PTPN1: variants seen among roughly 807,000 people sequenced by gnomAD.
PTPN1 encodes protein tyrosine phosphatase non-receptor type 1, also known as tyrosine-protein phosphatase non-receptor type 1.
In PTPN1, 12 loss-of-function variants were observed where a neutral mutation model predicts 59.9. The observed-to-expected ratio is 0.20, with a 90% CI of 0.13 to 0.32. PTPN1 has a LOEUF of 0.32. Among genes scored for constraint, PTPN1 ranks in the 10% least tolerant of loss-of-function variants. PTPN1 has a pLI of 1.00. For missense variants in PTPN1, 356 were observed against 549.2 expected, an observed-to-expected ratio of 0.65 and a Z score of 3.52; for synonymous variants, 178 against 203.6, an observed-to-expected ratio of 0.87 and a Z score of 1.07.
At chr20:50,518,717 T>TA (rs2082539171) in intron 1 of PTPN1, among the ~76,000 whole-genome samples, 1 of 152,292 alleles carries the variant, frequency 6.6e-6, no homozygotes, top group East Asian at 1.9e-4. Flanking sequence ...GCATTACTCT[T>TA]ATTGTTCTCT....
Position 50,578,614 on chromosome 20 carries a change from T to C in PTPN1, c.687T>C (p.Asp229=). 6.2e-7 allele frequency: 1 copy of C among 1,613,682 alleles called. No individual in the cohort carries two copies. Among genetic ancestry groups the C allele is most frequent in the Non-Finnish European group, 8.5e-7 (1 of 1,179,608 alleles). Residue 229 remains aspartate (D), a synonymous_variant, in exon 6 of 10, where the codon GAT becomes GAC. Coordinates refer to ENST00000371621, the MANE Select transcript of PTPN1 (RefSeq NM_002827.4). ...GGTCTGGAACCTTCTGTCTGGCTGA[T>C]ACCTGCCTCTTGCTGGTAAGGAGGC... is the stretch of plus-strand genomic sequence containing the variant. ...IGRSGTFCLA[D]TCLLLMDKRK... is the part of the protein sequence containing the mutation.
intron 1 of PTPN1, among the ~76,000 whole-genome samples, chr20:50,535,965 C>A (rs747067486): frequency 4.6e-5 from 7 of 152,112 alleles, no homozygotes; most frequent in Non-Finnish European, 7.3e-5. Flanking sequence ...AGGGAGGTAT[C>A]AGTTGAAAAG....
chr20:50,560,478 G>A (rs551805937), intron 1 of PTPN1, among the ~76,000 whole-genome samples: 12 of 152,170 alleles, frequency 7.9e-5, no homozygotes, highest in Non-Finnish European at 1.3e-4. Context: ...AATCTCGGGC[G>A]GTCTGGCTTT....
At chr20:50,544,759 C>T (rs1464164382) in intron 1 of PTPN1, among the ~76,000 whole-genome samples, 1 of 152,142 alleles carries the variant, frequency 6.6e-6, no homozygotes, top group African/African-American at 2.4e-5. Flanking sequence ...CTCTTTCACA[C>T]TTTGGGAGGC....
chr20:50,565,566 C>A (rs1163744205), intron 3 of PTPN1, among the ~76,000 whole-genome samples: 2 of 152,184 alleles, frequency 1.3e-5, no homozygotes, highest in African/African-American at 4.8e-5. Context: ...CTTAAAATTT[C>A]TGTTGGCTTT....
intron 5 of PTPN1, 97 bp downstream of exon 5, chr20:50,574,751 G>A (rs1170338041): frequency 1.4e-6 from 2 of 1,445,654 alleles, no homozygotes; most frequent in South Asian, 1.3e-5. Context: ...CAGTGTTCCT[G>A]GCTTTTGTAT....
chr20:50,579,612 C>A, intron 7 of PTPN1, 91 bp from the exon 8 acceptor site: 1 of 1,196,480 alleles, frequency 8.4e-7, no homozygotes, highest in South Asian at 1.3e-5. Context: ...GAGCCCCTCG[C>A]CAAGCCGTCA....
chr20:50,581,715 G>A (rs1481575640), intron 9 of PTPN1, among the ~76,000 whole-genome samples: 1 of 152,012 alleles, frequency 6.6e-6, no homozygotes, highest in Non-Finnish European at 1.5e-5. Flanking sequence ...TCAGGAGTAA[G>A]TAGAGAAAAT....
intron 1 of PTPN1, among the ~76,000 whole-genome samples, chr20:50,555,234 GA>G (rs1375913581): frequency 2.0e-5 from 3 of 152,094 alleles, no homozygotes; most frequent in African/African-American, 7.2e-5. Context: ...AAAAAGAAAA[GA>G]CATACAAATT....
chr20:50,519,069 T>C (rs1287159599), intron 1 of PTPN1, among the ~76,000 whole-genome samples: 1 of 152,232 alleles, frequency 6.6e-6, no homozygotes, highest in Non-Finnish European at 1.5e-5. Flanking sequence ...AGTGCCATTA[T>C]CAGTATTTTG....
chr20:50,550,681 A>G (rs2082698382), intron 1 of PTPN1, among the ~76,000 whole-genome samples: 6 of 152,228 alleles, frequency 3.9e-5, no homozygotes, highest in Admixed American at 3.9e-4. Context: ...GTATCCATTG[A>G]TTCAGTTAAC....
At chr20:50,520,371 CAA>C (rs11474492) in intron 1 of PTPN1, among the ~76,000 whole-genome samples, 10 of 131,428 alleles carry the variant, frequency 7.6e-5, no homozygotes, top group East Asian at 2.4e-4. Flanking sequence ...AACTCTGTCT[CAA>C]AAAAAAAAAA....
intron 1 of PTPN1, among the ~76,000 whole-genome samples, chr20:50,552,206 G>T (rs1489889682): frequency 6.6e-6 from 1 of 151,954 alleles, no homozygotes; most frequent in East Asian, 1.9e-4. Context: ...AATTGCGTAG[G>T]TCCTATCACC....
chr20:50,557,625 C>T (rs1400889018), intron 1 of PTPN1: 1 of 152,162 alleles, frequency 6.6e-6, no homozygotes, highest in Non-Finnish European at 1.5e-5. Flanking sequence ...CTTTTTTAAA[C>T]ATTATTTCTG....
intron 1 of PTPN1, among the ~76,000 whole-genome samples, chr20:50,558,206 G>A (rs2122773021): frequency 6.6e-6 from 1 of 152,016 alleles, no homozygotes; most frequent in East Asian, 1.9e-4. Flanking sequence ...TCTTCTTATA[G>A]CCTTACAGAA....
chr20:50,580,198 A>G (rs2082859774), intron 8 of PTPN1, among the ~76,000 whole-genome samples: 1 of 152,058 alleles, frequency 6.6e-6, no homozygotes, highest in African/African-American at 2.4e-5. Context: ...GCTCGGAGCC[A>G]CCGAGTAGGG....
At chr20:50,518,469 G>A (rs75511028) in intron 1 of PTPN1, among the ~76,000 whole-genome samples, 6,882 of 152,154 alleles carry the variant, frequency 0.045, 307 homozygotes, top group African/African-American at 0.12. Context: ...AAATAGTCAG[G>A]GCTTAGTTTG....
intron 1 of PTPN1, among the ~76,000 whole-genome samples, chr20:50,522,699 G>T (rs1446657939): frequency 6.6e-6 from 1 of 152,158 alleles, no homozygotes; most frequent in Non-Finnish European, 1.5e-5. Flanking sequence ...TTATAACCCA[G>T]TCAAGGTCTT....
Position 50,583,006 on chromosome 20 carries a change from G to C in PTPN1, c.*291G>C, listed in dbSNP as rs1047894245. 4 of 460,530 alleles carry C rather than the reference G, an allele frequency of 8.7e-6. No homozygotes were observed. In the Admixed American group the frequency reaches 1.4e-4, roughly 16 times the overall value. 28.5% of individuals were successfully genotyped at this position (460,530 alleles called of 1,614,324 possible). ...GCGCAGAGGGAAGGGGCCTACACCC[G>C]TCTTGGGGCTCGCCCCACCCAGGGC... On this transcript the variant is annotated 3_prime_UTR_variant, in exon 10 of 10. Coordinates refer to ENST00000371621, the MANE Select transcript of PTPN1 (RefSeq NM_002827.4).
Sources: gnomAD v4.1 joint callset for allele counts (sites outside exome capture counted in the v4.1 genomes callset) on GRCh38, gnomAD v4.1.1 for gene constraint, MANE v1.5 for transcripts, NCBI Gene and HGNC (gene_info 2026-07-23, HGNC 2026-07-21) for gene names.